Variants in PTPRM observed in about 807,000 individuals in gnomAD.
The protein encoded by PTPRM is protein tyrosine phosphatase receptor type M, also known as receptor-type tyrosine-protein phosphatase mu.
In PTPRM, 47 loss-of-function variants were observed where a neutral mutation model predicts 186.7. The ratio of observed to expected loss-of-function variants is 0.25; its 90% confidence interval spans 0.20 to 0.32. PTPRM has a LOEUF of 0.32. PTPRM is among the 10% of genes least tolerant of loss of function. The pLI is 1.00. For synonymous variants in PTPRM, 668 were observed against 674.9 expected, an observed-to-expected ratio of 0.99 and a Z score of 0.16; for missense variants, 1,494 against 1,865.0, an observed-to-expected ratio of 0.80 and a Z score of 3.66.
At chr18:8,018,922 G>A (rs537080558) in intron 7 of PTPRM, among the ~76,000 whole-genome samples, 1 of 152,268 alleles carries the variant, frequency 6.6e-6, no homozygotes, top group East Asian at 1.9e-4. Flanking sequence ...AGTCCAAGCT[G>A]CCACACACTT....
intron 4 of PTPRM, among the ~76,000 whole-genome samples, chr18:7,924,025 A>G (rs1291468895): frequency 6.6e-6 from 1 of 152,226 alleles, no homozygotes; most frequent in Admixed American, 6.5e-5. Flanking sequence ...AAGGAAACAA[A>G]AAGAAACCAA....
intron 14 of PTPRM, among the ~76,000 whole-genome samples, chr18:8,198,634 G>A (rs1405471973): frequency 2.0e-5 from 3 of 152,086 alleles, no homozygotes; most frequent in Non-Finnish European, 4.4e-5. Context: ...TTGCGGAGAG[G>A]ATCTAAACAG....
At chr18:8,325,703 G>C (rs2095371524) in intron 22 of PTPRM, among the ~76,000 whole-genome samples, 2 of 152,128 alleles carry the variant, frequency 1.3e-5, no homozygotes, top group Admixed American at 6.6e-5. Context: ...CCAATAATGG[G>C]ATTGCTGGGT....
intron 19 of PTPRM, among the ~76,000 whole-genome samples, chr18:8,289,603 C>CATATATATAT (rs1568675673): frequency 4.8e-5 from 5 of 104,676 alleles, no homozygotes; most frequent in African/African-American, 8.4e-5. Flanking sequence ...TATATATATA[C>CATATATATAT]ACACATATAT....
chr18:7,991,782 A>G (rs113844912), intron 7 of PTPRM, among the ~76,000 whole-genome samples: 9 of 152,256 alleles, frequency 5.9e-5, no homozygotes, highest in African/African-American at 2.2e-4. Flanking sequence ...TCCCAGAAAA[A>G]AATGAGCAGT....
chr18:8,051,114 G>T (rs554484307), intron 7 of PTPRM, among the ~76,000 whole-genome samples: 4 of 152,254 alleles, frequency 2.6e-5, no homozygotes, highest in African/African-American at 7.2e-5. Context: ...TCCCGTGGGG[G>T]TATCTGTGGA....
chr18:7,981,459 C>T (rs182166778), intron 7 of PTPRM, among the ~76,000 whole-genome samples: 4 of 152,222 alleles, frequency 2.6e-5, no homozygotes, highest in East Asian at 3.9e-4. Flanking sequence ...TTATCTTTTC[C>T]TCCATGGAGC....
At chr18:8,141,337 C>T (rs1600799928) in intron 13 of PTPRM, among the ~76,000 whole-genome samples, 1 of 152,174 alleles carries the variant, frequency 6.6e-6, no homozygotes, top group Admixed American at 6.5e-5. Flanking sequence ...TGGTTGCTAC[C>T]GTCATCACGT....
At chr18:7,975,112 C>G (rs903391329) in intron 7 of PTPRM, among the ~76,000 whole-genome samples, 1 of 152,224 alleles carries the variant, frequency 6.6e-6, no homozygotes, top group Admixed American at 6.5e-5. Context: ...CACTGCCACA[C>G]ATCAAATGCT....
chr18:8,372,539 G>A (rs1285058477), intron 24 of PTPRM, among the ~76,000 whole-genome samples: 3 of 152,152 alleles, frequency 2.0e-5, no homozygotes, highest in African/African-American at 7.2e-5. Context: ...TCACAAAGCT[G>A]GAAAGACTTT....
chr18:7,607,941 C>T (rs11872624), intron 1 of PTPRM, among the ~76,000 whole-genome samples: 8,826 of 152,246 alleles, frequency 0.058, 443 homozygotes, highest in African/African-American at 0.14. Flanking sequence ...TATTACAGCT[C>T]CAGCCTTACC....
At chr18:7,793,267 C>T (rs996804545) in intron 2 of PTPRM, among the ~76,000 whole-genome samples, 17 of 152,160 alleles carry the variant, frequency 1.1e-4, no homozygotes, top group African/African-American at 4.1e-4. Flanking sequence ...TGACCTCATT[C>T]AGGTTACTGA....
chr18:7,688,784 T>C (rs917726885), intron 1 of PTPRM, among the ~76,000 whole-genome samples: 1 of 152,150 alleles, frequency 6.6e-6, no homozygotes, highest in Non-Finnish European at 1.5e-5. Flanking sequence ...AGGAATAAAT[T>C]TATTCCTGTA....
intron 15 of PTPRM, 54 bp downstream of exon 15, chr18:8,244,263 C>A (rs10163722): frequency 1.4e-6 from 2 of 1,443,834 alleles, no homozygotes; most frequent in East Asian, 5.1e-5. Context: ...TTGCAAGATT[C>A]CAGGTGGTAC....
chr18:7,845,679 A>AT (rs1439568652), intron 2 of PTPRM, among the ~76,000 whole-genome samples: 2 of 151,732 alleles, frequency 1.3e-5, no homozygotes, highest in Non-Finnish European at 2.9e-5. Context: ...GTGTCTTTTT[A>AT]TTTTTGCCCT....
At chr18:8,068,313 A>G (rs2148426551) in intron 7 of PTPRM, among the ~76,000 whole-genome samples, 1 of 152,332 alleles carries the variant, frequency 6.6e-6, no homozygotes, top group Admixed American at 6.5e-5. Context: ...AAAATTATGA[A>G]TCAAATGACC....
At chr18:8,173,998 A>G (rs1480502039) in intron 14 of PTPRM, among the ~76,000 whole-genome samples, 1 of 151,844 alleles carries the variant, frequency 6.6e-6, no homozygotes, top group Non-Finnish European at 1.5e-5. Flanking sequence ...CCTGGGAAGC[A>G]GAGGTTGCAG....
intron 5 of PTPRM, among the ~76,000 whole-genome samples, chr18:7,943,810 G>A (rs1053678441): frequency 3.3e-5 from 5 of 152,008 alleles, no homozygotes; most frequent in Non-Finnish European, 7.4e-5. Flanking sequence ...TTGTGATTAC[G>A]TTTGGCCAAC....
intron 7 of PTPRM, among the ~76,000 whole-genome samples, chr18:8,038,798 G>A (rs139474240): frequency 1.2e-3 from 177 of 152,188 alleles, no homozygotes; most frequent in African/African-American, 4.0e-3. Flanking sequence ...TTGTTATTAT[G>A]CAAGTCTCTG....
Sources: gnomAD v4.1 joint callset for allele counts (sites outside exome capture counted in the v4.1 genomes callset) on GRCh38, gnomAD v4.1.1 for gene constraint, MANE v1.5 for transcripts, NCBI Gene and HGNC (gene_info 2026-07-23, HGNC 2026-07-21) for gene names.